Variants in MINAR1 observed in about 807,000 individuals in gnomAD.
The protein encoded by MINAR1 is major intrinsically disordered Notch2-binding receptor 1.
Under a neutral mutation model 65.1 loss-of-function variants are expected in MINAR1, and 40 were observed. The observed-to-expected ratio is 0.61, with a 90% CI of 0.48 to 0.80. MINAR1 has a LOEUF of 0.80. Ranked by LOEUF, MINAR1 falls within the 30% of genes least tolerant of loss-of-function variation. MINAR1 has a pLI of 0.00. For missense variants in MINAR1, 1,128 were observed against 1,148.0 expected (o/e 0.98, Z 0.25); for synonymous variants, 482 against 449.1 (o/e 1.07, Z -0.93).
Position 79,457,891 on chromosome 15 carries a change from C to A in MINAR1, c.1744C>A (p.Pro582Thr), listed in dbSNP as rs773660111. 1.2e-6 allele frequency: 2 copies of A among 1,614,050 alleles called. No homozygotes were observed. The highest frequency in any genetic ancestry group is 2.2e-5 in the East Asian group (1 of 44,880). ...CAGCAAGGGAGACAAGGGCAACCGG[C>A]CTGAAAACACCCACCACTCGGAAGA... is the stretch of plus-strand genomic sequence containing the variant. ...PNSKGDKGNR[P>T]ENTHHSEEEL... Residue 582 changes from proline (P) to threonine (T), a missense_variant, in exon 2 of 4, where the codon CCT (proline) becomes ACT (threonine). By Grantham distance (38) the Pro-to-Thr change is conservative. Transcript: ENST00000305428.
At chr15:79,462,384 A>T (rs1383356648) in intron 2 of MINAR1, among the ~76,000 whole-genome samples, 1 of 152,168 alleles carries the variant, frequency 6.6e-6, no homozygotes, top group Non-Finnish European at 1.5e-5. Context: ...CATTTCAAGG[A>T]CTGAGAATAT....
chr15:79,449,381 A>G (rs1030495928), intron 1 of MINAR1, among the ~76,000 whole-genome samples: 2 of 152,248 alleles, frequency 1.3e-5, no homozygotes, highest in African/African-American at 4.8e-5. Flanking sequence ...CTATAACAGA[A>G]TACATGAGAC....
At chr15:79,431,868 C>T (rs1894449187), upstream of MINAR1, among the ~76,000 whole-genome samples, 1 of 152,220 alleles carries the variant, frequency 6.6e-6, no homozygotes, top group African/African-American at 2.4e-5. Context: ...ACACCGCCTT[C>T]CCGGGGCTCC....
intron 1 of MINAR1, among the ~76,000 whole-genome samples, chr15:79,453,717 A>C (rs971218475): frequency 1.2e-4 from 19 of 152,068 alleles, no homozygotes; most frequent in African/African-American, 3.6e-4. Flanking sequence ...CAGACCTCCT[A>C]CTTTCAGTTT....
At chr15:79,452,725 AGTCT>A (rs1268454031) in intron 1 of MINAR1, among the ~76,000 whole-genome samples, 1 of 96,340 alleles carries the variant, frequency 1.0e-5, no homozygotes, top group African/African-American at 3.9e-5. Context: ...GGTGTGGGTG[AGTCT>A]GTGTGGGTGT....
At chr15:79,451,851 C>T (rs1368484474) in intron 1 of MINAR1, among the ~76,000 whole-genome samples, 2 of 152,140 alleles carry the variant, frequency 1.3e-5, no homozygotes, top group African/African-American at 4.8e-5. Context: ...GCTTCCCAAA[C>T]GCCAGAGAGG....
At position 79,468,868 on chromosome 15, in the gene MINAR1, C is replaced by T; in HGVS notation, c.*484C>T. The T allele has an allele frequency of 5.9e-6, 1 of 170,674 alleles. No homozygotes were observed. Among genetic ancestry groups the T allele is most frequent in the East Asian group, 1.6e-4 (1 of 6,160 alleles). The allele number at this position is 170,674 out of a possible 1,614,324, so 10.6% of individuals were successfully genotyped here. ...GCTGGTGAAGTAACAGGGTGTGTGT[C>T]CCTAAAGGGTATTACTTCTCTGTCG... On this transcript the variant is annotated 3_prime_UTR_variant, in exon 4 of 4. Coordinates refer to ENST00000305428, the MANE Select transcript of MINAR1 (RefSeq NM_015206.3).
the MINAR1 span, chr15:79,424,766 T>TCA: frequency 2.0e-5 from 3 of 152,222 alleles, no homozygotes; most frequent in African/African-American, 7.2e-5. Flanking sequence ...GAGCCCCTAC[T>TCA]GTATTTCAGG....
intron 1 of MINAR1, among the ~76,000 whole-genome samples, chr15:79,439,621 A>G (rs892998467): frequency 2.0e-5 from 3 of 151,814 alleles, no homozygotes; most frequent in Non-Finnish European, 4.4e-5. Flanking sequence ...TGCCAATGAC[A>G]TCGGAGCGCT....
At chr15:79,450,851 T>C (rs1895169278) in intron 1 of MINAR1, among the ~76,000 whole-genome samples, 1 of 152,226 alleles carries the variant, frequency 6.6e-6, no homozygotes, top group Admixed American at 6.5e-5. Flanking sequence ...CTGAGACTGC[T>C]AGAATTCCCA....
intron 2 of MINAR1, among the ~76,000 whole-genome samples, chr15:79,462,250 AGGCAGTTATAGTTCAAAGGCGCAAATGCT>A (rs1000692642): frequency 3.3e-5 from 5 of 152,320 alleles, no homozygotes; most frequent in African/African-American, 1.2e-4. Context: ...ATGGGCAAAC[AGGCAGTTATAGTTCAAAGGCGCAAATGCT>A]GGCTGAAGGG....
chr15:79,458,182 C>G lies in MINAR1; in HGVS notation c.2035C>G (p.Pro679Ala). 2 of 1,614,176 alleles carry G rather than the reference C, an allele frequency of 1.2e-6. No individual in the cohort carries two copies. Among genetic ancestry groups the G allele is most frequent in the Non-Finnish European group, 1.7e-6 (2 of 1,180,046 alleles). Residue 679 changes from proline to alanine, a missense_variant, in exon 2 of 4, where the codon CCT (proline) becomes GCT (alanine). Transcript: ENST00000305428. ...CCACGGACCCAAACTAGAGAACAAC[C>G]CTGACTGGTGCTGCTCTGATGCTAG... ...GSHGPKLENN[P>A]DWCCSDASGS...
intron 1 of MINAR1, among the ~76,000 whole-genome samples, chr15:79,452,567 TGA>T (rs1171485635): frequency 6.7e-5 from 10 of 149,962 alleles, no homozygotes; most frequent in Non-Finnish European, 1.5e-4. Context: ...TCTGTGTGTG[TGA>T]GTGTATGGGT....
intron 1 of MINAR1, among the ~76,000 whole-genome samples, chr15:79,451,658 C>T (rs1186631384): frequency 6.6e-6 from 1 of 152,238 alleles, no homozygotes; most frequent in Non-Finnish European, 1.5e-5. Flanking sequence ...GCCAGCTTCC[C>T]TGCCGCGCTG....
At chr15:79,453,069 T>G (rs1421269273) in intron 1 of MINAR1, among the ~76,000 whole-genome samples, 1 of 151,778 alleles carries the variant, frequency 6.6e-6, no homozygotes, top group African/African-American at 2.4e-5. Context: ...TCTGACCAGA[T>G]CCGGCTTCAG....
intron 3 of MINAR1, chr15:79,463,634 T>C (rs1000465613): frequency 8.7e-6 from 5 of 572,194 alleles, no homozygotes; most frequent in Non-Finnish European, 1.6e-5. Flanking sequence ...TAATATTTGC[T>C]CACAAGACCT....
chr15:79,464,689 C>A (rs1895774494), intron 3 of MINAR1, among the ~76,000 whole-genome samples: 1 of 152,198 alleles, frequency 6.6e-6, no homozygotes, highest in Non-Finnish European at 1.5e-5. Flanking sequence ...TGGGAAGGGG[C>A]AGCTCTGTCC....
upstream of MINAR1, among the ~76,000 whole-genome samples, chr15:79,430,048 A>G (rs547925343): frequency 1.0e-3 from 158 of 152,298 alleles, no homozygotes; most frequent in African/African-American, 3.2e-3. Flanking sequence ...GGAGGGGAAA[A>G]GGGCAACCAC....
At chr15:79,414,031 C>T in the MINAR1 span, 1 of 152,106 alleles carries the variant, frequency 6.6e-6, no homozygotes, top group South Asian at 2.1e-4. Flanking sequence ...TTAGATCTTG[C>T]CTTTGTCTAG....
Sources: gnomAD v4.1 joint callset for allele counts (sites outside exome capture counted in the v4.1 genomes callset) on GRCh38, gnomAD v4.1.1 for gene constraint, MANE v1.5 for transcripts, NCBI Gene and HGNC (gene_info 2026-07-23, HGNC 2026-07-21) for gene names.